Variants in TRRAP observed in about 807,000 individuals in gnomAD.
TRRAP encodes transformation/transcription domain-associated protein.
Under a neutral mutation model 438.8 loss-of-function variants are expected in TRRAP, and 41 were observed. The ratio of observed to expected loss-of-function variants is 0.09; its 90% CI spans 0.07 to 0.12. The LOEUF (loss-of-function observed/expected upper bound fraction) is 0.12, where lower values mean the gene tolerates loss of function less well. Among genes scored for constraint, TRRAP ranks in the 10% least tolerant of loss-of-function variants. The probability of loss-of-function intolerance (pLI) is 1.00; values close to 1 mark genes in which losing one functional copy is unlikely to be tolerated. For missense variants in TRRAP, 3,122 were observed against 5,055.1 expected (o/e 0.62, Z 11.60); for synonymous variants, 1,994 against 1,962.9 (o/e 1.02, Z -0.42).
intron 13 of TRRAP, among the ~76,000 whole-genome samples, chr7:98,907,734 C>T (rs1313403843): frequency 2.0e-5 from 3 of 152,170 alleles, no homozygotes; most frequent in Non-Finnish European, 4.4e-5. Flanking sequence ...TTGTTGCAGC[C>T]ACACTGGCCC....
intron 1 of TRRAP, among the ~76,000 whole-genome samples, chr7:98,880,653 A>G (rs1007214703): frequency 2.6e-5 from 4 of 152,174 alleles, no homozygotes; most frequent in African/African-American, 9.7e-5. Flanking sequence ...ATGGTAAATG[A>G]GAGTTATATG....
chr7:98,913,799 T>C (rs1041741518), intron 18 of TRRAP, among the ~76,000 whole-genome samples: 1 of 152,220 alleles, frequency 6.6e-6, no homozygotes, highest in Non-Finnish European at 1.5e-5. Flanking sequence ...TATTTGAGTC[T>C]AGCAAATGGG....
Position 98,949,515 on chromosome 7 carries a change from G to A in TRRAP, c.4887G>A (p.Thr1629=), listed in dbSNP as rs782031763. Reference sequence around the variant, plus strand: ...TGCTGCTGCCGGGGGGTGCCCAGACGGCTGTGCGCCCCGGTTCGCCCAGCA... The same window carrying A: ...TGCTGCTGCCGGGGGGTGCCCAGACAGCTGTGCGCCCCGGTTCGCCCAGCA... The part of the protein sequence containing the change: ...ITLLLPGGAQ[T]AVRPGSPSTS... The change falls in exon 36 of 73, where the codon ACG becomes ACA. Residue 1629 remains threonine (T), a synonymous_variant. Transcript: ENST00000456197. The A allele has an allele frequency of 6.8e-6, 11 of 1,608,750 alleles. No homozygotes were observed. The highest frequency in any genetic ancestry group is 1.7e-5 in the Admixed American group (1 of 58,714).
intron 31 of TRRAP, among the ~76,000 whole-genome samples, chr7:98,943,564 A>G (rs1432149189): frequency 6.6e-6 from 1 of 152,208 alleles, no homozygotes; most frequent in Non-Finnish European, 1.5e-5. Context: ...GCCCAGTTAT[A>G]TGACTGGCCC....
In TRRAP at chr7:98,943,108, C is replaced by T. The variant is rs1790880007; in HGVS notation, c.4473+91C>T. The T allele has an allele frequency of 5.1e-6, 7 of 1,365,574 alleles. No individual in the cohort carries two copies. In the South Asian group the frequency reaches 7.3e-5, roughly 14 times the overall value. 84.6% of individuals were successfully genotyped at this position (1,365,574 alleles called of 1,614,324 possible). A position where few individuals can be genotyped will look rare whatever the true frequency, so the allele number is the denominator to read the frequency against. On this transcript the variant is annotated intron_variant, in intron 31 of 72. Coordinates refer to ENST00000456197, the MANE Select transcript of TRRAP (RefSeq NM_001375524.1). The stretch of plus-strand genomic sequence containing the variant: ...ACAGTGCTTTCATTAAAATGCCGGT[C>T]AGAAACCTAGTTTGACGTGATTGTA...
intron 53 of TRRAP, among the ~76,000 whole-genome samples, chr7:98,972,209 T>C (rs1008329556): frequency 1.3e-5 from 2 of 152,106 alleles, no homozygotes; most frequent in African/African-American, 4.8e-5. Flanking sequence ...ACCCAGCTAA[T>C]TTGTTAATTT....
At chr7:98,906,932 A>G (rs1796793484) in intron 13 of TRRAP, among the ~76,000 whole-genome samples, 2 of 152,126 alleles carry the variant, frequency 1.3e-5, no homozygotes, top group Admixed American at 1.3e-4. Flanking sequence ...ATAGAAGGGA[A>G]GAAAACCTTC....
At chr7:98,895,624 A>G (rs1297491805) in intron 6 of TRRAP, 140 bp from the exon 7 acceptor site, 6 of 552,814 alleles carry the variant, frequency 1.1e-5, no homozygotes, top group Non-Finnish European at 1.5e-5. Context: ...TCCATTGCCT[A>G]TTTGTATCTT....
chr7:98,893,242 G>T (rs782569954), intron 5 of TRRAP, among the ~76,000 whole-genome samples: 1 of 152,114 alleles, frequency 6.6e-6, no homozygotes, highest in Non-Finnish European at 1.5e-5. Context: ...GAGCCACCTC[G>T]CCCAGCCCTC....
intron 51 of TRRAP, among the ~76,000 whole-genome samples, chr7:98,969,447 C>T (rs1279188790): frequency 2.6e-5 from 4 of 152,246 alleles, no homozygotes; most frequent in Non-Finnish European, 4.4e-5. Flanking sequence ...TGAGCACATG[C>T]CTGGCTGTGT....
rs201053093 is a variant in TRRAP, at chr7:98,880,262, G to GTTTTTTTT, written c.-61-818_-61-811dup. On this transcript the variant is annotated intron_variant, in intron 1 of 72. Transcript: ENST00000456197. ...CTGCCTGCGTTTTGTTGTTGTTGTT[G>GTTTTTTTT]TTTTTTTTTTTTTTTTTCCGAGACT... 6.1e-4 allele frequency among the ~76,000 whole-genome samples: 80 copies of GTTTTTTTT among 131,998 alleles called. 7 individuals carry two copies. The highest frequency in any genetic ancestry group is 4.0e-3 in the Middle Eastern group (1 of 250). 86.6% of individuals were successfully genotyped at this position (131,998 alleles called of 152,430 possible). A position where few individuals can be genotyped will look rare whatever the true frequency, so the allele number is the denominator to read the frequency against.
At chr7:98,909,439 A>T (rs1554408171) in intron 14 of TRRAP, among the ~76,000 whole-genome samples, 1 of 152,064 alleles carries the variant, frequency 6.6e-6, no homozygotes, top group Non-Finnish European at 1.5e-5. Context: ...TCTGTGCACC[A>T]GTTTTTTCAT....
At position 98,927,161 on chromosome 7, in the gene TRRAP, T is replaced by G; in HGVS notation, c.2976-6T>G. The stretch of plus-strand genomic sequence containing the variant: ...TCGTGACACCAGATCTGATTTTGCC[T>G]TTCAGCTTTACAGAAAAGACCATCC... On this transcript the variant is annotated splice_polypyrimidine_tract_variant and splice_region_variant and intron_variant, in intron 22 of 72. Transcript: ENST00000456197. The G allele has an allele frequency of 6.2e-7, 1 of 1,614,236 alleles. No homozygotes were observed. The highest frequency in any genetic ancestry group is 8.5e-7 in the Non-Finnish European group (1 of 1,180,036).
chr7:98,989,399 G>T (rs1462820301), intron 63 of TRRAP, among the ~76,000 whole-genome samples: 1 of 152,242 alleles, frequency 6.6e-6, no homozygotes, highest in Non-Finnish European at 1.5e-5. Context: ...GCAGCCCTGA[G>T]CTCAGGGTGG....
chr7:98,985,445 A>G (rs562780125), intron 62 of TRRAP, among the ~76,000 whole-genome samples: 138 of 152,328 alleles, frequency 9.1e-4, no homozygotes, highest in Non-Finnish European at 1.6e-3. Context: ...GTGAAGTGAT[A>G]TTGGAACACA....
intron 7 of TRRAP, among the ~76,000 whole-genome samples, chr7:98,896,426 G>A (rs1240226626): frequency 6.6e-6 from 1 of 151,798 alleles, no homozygotes; most frequent in Admixed American, 6.6e-5. Context: ...GGCTGGGGGT[G>A]CGGGGGTACG....
intron 8 of TRRAP, among the ~76,000 whole-genome samples, chr7:98,898,253 C>T (rs1383207053): frequency 3.3e-5 from 5 of 152,182 alleles, no homozygotes; most frequent in Admixed American, 2.6e-4. Context: ...AGTACAATGT[C>T]CTGGCCCCAC....
At chr7:98,958,566 C>T (rs1384838131) in intron 44 of TRRAP, among the ~76,000 whole-genome samples, 2 of 152,150 alleles carry the variant, frequency 1.3e-5, no homozygotes, top group African/African-American at 4.8e-5. Context: ...TCCCAAAGTG[C>T]TGGGATTGCA....
At chr7:98,882,559 C>T (rs1370631737) in intron 3 of TRRAP, among the ~76,000 whole-genome samples, 1 of 152,034 alleles carries the variant, frequency 6.6e-6, no homozygotes, top group Non-Finnish European at 1.5e-5. Flanking sequence ...GACGGGGTTT[C>T]ACCATGTTGG....
Sources: gnomAD v4.1 joint callset for allele counts (sites outside exome capture counted in the v4.1 genomes callset) on GRCh38, gnomAD v4.1.1 for gene constraint, MANE v1.5 for transcripts, NCBI Gene and HGNC (gene_info 2026-07-23, HGNC 2026-07-21) for gene names.